Variants in COL19A1 observed in about 807,000 individuals in gnomAD.
The protein encoded by COL19A1 is collagen alpha-1(XIX) chain.
COL19A1 carries 159 observed loss-of-function variants against 190.2 expected under a neutral mutation model. That is an observed-to-expected ratio of 0.84 (90% CI 0.73 to 0.95). The LOEUF is 0.95. Ranked by LOEUF, COL19A1 falls within the 40% of genes least tolerant of loss-of-function variation. The probability of loss-of-function intolerance (pLI) is 0.00; values close to 1 mark genes in which losing one functional copy is unlikely to be tolerated. For missense variants in COL19A1, 1,418 were observed against 1,431.9 expected, an observed-to-expected ratio of 0.99 and a Z score of 0.16; for synonymous variants, 509 against 458.9, an observed-to-expected ratio of 1.11 and a Z score of -1.39.
chr6:69,986,792 G>A (rs938635332), intron 11 of COL19A1, among the ~76,000 whole-genome samples: 1 of 152,152 alleles, frequency 6.6e-6, no homozygotes, highest in African/African-American at 2.4e-5. Flanking sequence ...CTCTAAGACT[G>A]AGACATGGAG....
chr6:70,064,069 T>C (rs1370116553), intron 14 of COL19A1, among the ~76,000 whole-genome samples: 1 of 152,126 alleles, frequency 6.6e-6, no homozygotes, highest in East Asian at 1.9e-4. Flanking sequence ...CTGGTACCAT[T>C]CCTTCTGAAA....
chr6:69,933,055 C>T (rs1772883225), intron 7 of COL19A1, among the ~76,000 whole-genome samples, 192 bp downstream of exon 7: 1 of 152,082 alleles, frequency 6.6e-6, no homozygotes. Flanking sequence ...CCCAGCATTT[C>T]ACCCTTAATT....
intron 9 of COL19A1, 87 bp from the exon 10 acceptor site, chr6:69,959,909 A>T (rs1774666168): frequency 1.7e-6 from 2 of 1,201,348 alleles, no homozygotes; most frequent in Non-Finnish European, 2.4e-6. Context: ...TCCCCACAAC[A>T]CTAGAGCTAT....
At chr6:70,104,413 G>A (rs1783825242) in intron 16 of COL19A1, among the ~76,000 whole-genome samples, 1 of 152,098 alleles carries the variant, frequency 6.6e-6, no homozygotes, top group Admixed American at 6.5e-5. Flanking sequence ...AGCGGGAAGT[G>A]CACTTTTAAG....
intron 40 of COL19A1, among the ~76,000 whole-genome samples, chr6:70,170,642 C>G (rs1208040371): frequency 3.3e-5 from 5 of 151,948 alleles, no homozygotes; most frequent in Admixed American, 3.3e-4. Flanking sequence ...AGTGTGTTTC[C>G]TTTGTCAGCA....
chr6:70,138,134 T>C (rs1453651219), intron 19 of COL19A1, among the ~76,000 whole-genome samples: 1 of 152,140 alleles, frequency 6.6e-6, no homozygotes, highest in Admixed American at 6.6e-5. Context: ...ACACTGCAGC[T>C]AAAATAATAA....
intron 11 of COL19A1, among the ~76,000 whole-genome samples, chr6:69,968,261 C>T (rs1369034589): frequency 6.6e-6 from 1 of 152,094 alleles, no homozygotes; most frequent in Non-Finnish European, 1.5e-5. Context: ...ATATTGTTTT[C>T]TTATCAAATG....
intron 14 of COL19A1, among the ~76,000 whole-genome samples, chr6:70,060,985 G>T (rs10945196): frequency 0.23 from 35,149 of 151,932 alleles, 5,402 homozygotes; most frequent in Non-Finnish European, 0.33. Flanking sequence ...GAAGAACTGT[G>T]GGAGGGATTC....
chr6:70,129,270 G>C (rs574052374), intron 17 of COL19A1, among the ~76,000 whole-genome samples: 1 of 152,156 alleles, frequency 6.6e-6, no homozygotes, highest in Non-Finnish European at 1.5e-5. Flanking sequence ...TATGCTCTTT[G>C]TGTGTTAAGT....
intron 4 of COL19A1, among the ~76,000 whole-genome samples, chr6:69,906,851 T>C (rs1770581982): frequency 6.6e-6 from 1 of 152,130 alleles, no homozygotes; most frequent in Non-Finnish European, 1.5e-5. Flanking sequence ...ATTATGTTTA[T>C]GGATTTACAA....
intron 4 of COL19A1, among the ~76,000 whole-genome samples, chr6:69,911,061 T>G (rs1344206143): frequency 6.6e-6 from 1 of 152,240 alleles, no homozygotes; most frequent in Non-Finnish European, 1.5e-5. Context: ...AAGATTTTTC[T>G]GTAGGCTGAT....
chr6:69,942,008 A>G (rs777856754), intron 9 of COL19A1, among the ~76,000 whole-genome samples: 13 of 152,116 alleles, frequency 8.5e-5, no homozygotes, highest in African/African-American at 1.2e-4. Flanking sequence ...TAGTTTTTCA[A>G]ATATGTTCCT....
intron 14 of COL19A1, among the ~76,000 whole-genome samples, chr6:70,063,016 C>G (rs1046618479): frequency 6.6e-6 from 1 of 152,094 alleles, no homozygotes; most frequent in Admixed American, 6.6e-5. Flanking sequence ...CCTTAGACTC[C>G]CATACAGTAA....
chr6:70,017,170 A>T (rs1239414705), intron 11 of COL19A1, among the ~76,000 whole-genome samples: 1 of 152,194 alleles, frequency 6.6e-6, no homozygotes, highest in East Asian at 1.9e-4. Flanking sequence ...CAAACTACTT[A>T]GCCATGCAAC....
chr6:69,925,625 A>G (rs1772320683), intron 4 of COL19A1, among the ~76,000 whole-genome samples: 1 of 152,146 alleles, frequency 6.6e-6, no homozygotes, highest in Non-Finnish European at 1.5e-5. Context: ...CTGTGAAGAA[A>G]GTCATTGGTA....
chr6:70,211,897 A>G lies in COL19A1; in HGVS notation c.*4623A>G, dbSNP rs1035502705. On this transcript the variant is annotated 3_prime_UTR_variant, in exon 51 of 51. Transcript: ENST00000620364. ...AGCTTATAAGACCAAAGCTAAGTCT[A>G]AGAAAATCTAAATGGAAAAAAAATT... 3.9e-5 allele frequency among the ~76,000 whole-genome samples: 6 copies of G among 152,168 alleles called. No homozygotes were observed. Among genetic ancestry groups the G allele is most frequent in the Non-Finnish European group, 8.8e-5 (6 of 68,022 alleles).
intron 11 of COL19A1, among the ~76,000 whole-genome samples, chr6:69,970,769 A>C (rs938958062): frequency 3.3e-5 from 5 of 152,212 alleles, no homozygotes; most frequent in African/African-American, 1.2e-4. Context: ...ATGTAAACTA[A>C]ACTTCTACAA....
intron 8 of COL19A1, among the ~76,000 whole-genome samples, chr6:69,937,814 A>C (rs1773206734): frequency 6.6e-6 from 1 of 152,100 alleles, no homozygotes; most frequent in African/African-American, 2.4e-5. Context: ...GGTCTGGAGG[A>C]GATGATGCTA....
At chr6:69,941,291 G>A (rs1773450644) in intron 9 of COL19A1, among the ~76,000 whole-genome samples, 1 of 152,152 alleles carries the variant, frequency 6.6e-6, no homozygotes, top group Non-Finnish European at 1.5e-5. Flanking sequence ...TGATTGTGAA[G>A]AAGGAATACA....
Sources: gnomAD v4.1 joint callset for allele counts (sites outside exome capture counted in the v4.1 genomes callset) on GRCh38, gnomAD v4.1.1 for gene constraint, MANE v1.5 for transcripts, NCBI Gene and HGNC (gene_info 2026-07-23, HGNC 2026-07-21) for gene names.